Variants in KCNIP1 observed in about 807,000 individuals in gnomAD.
KCNIP1 encodes the protein A-type potassium channel modulatory protein KCNIP1.
KCNIP1 carries 18 observed loss-of-function variants against 33.0 expected under a neutral mutation model. That is an observed-to-expected ratio of 0.55 (90% CI 0.38 to 0.81). The LOEUF (loss-of-function observed/expected upper bound fraction) is 0.81, where lower values mean the gene tolerates loss of function less well. KCNIP1 is among the 30% of genes least tolerant of loss of function. KCNIP1 has a pLI of 0.00. For missense variants in KCNIP1, 238 were observed against 271.6 expected, an observed-to-expected ratio of 0.88 and a Z score of 0.87; for synonymous variants, 93 against 98.3, an observed-to-expected ratio of 0.95 and a Z score of 0.32.
chr5:170,495,750 TGCG>T (rs1172866512), intron 1 of KCNIP1, among the ~76,000 whole-genome samples: 1 of 152,202 alleles, frequency 6.6e-6, no homozygotes, highest in Non-Finnish European at 1.5e-5. Context: ...AGCTCAAATG[TGCG>T]GCAGGTTGTG....
intron 1 of KCNIP1, among the ~76,000 whole-genome samples, chr5:170,446,519 T>G (rs1321523988): frequency 2.0e-5 from 3 of 152,200 alleles, no homozygotes; most frequent in Admixed American, 2.0e-4. Flanking sequence ...CTAAAGTACA[T>G]TGGTGCAATC....
intron 1 of KCNIP1, among the ~76,000 whole-genome samples, chr5:170,546,026 G>A (rs1371851790): frequency 6.6e-6 from 1 of 152,226 alleles, no homozygotes; most frequent in African/African-American, 2.4e-5. Flanking sequence ...GGTGAAGGCT[G>A]ATGACCTCAG....
At chr5:170,384,537 C>T (rs1429712737) in intron 1 of KCNIP1, among the ~76,000 whole-genome samples, 1 of 152,164 alleles carries the variant, frequency 6.6e-6, no homozygotes, top group Non-Finnish European at 1.5e-5. Context: ...CTAACAGGTT[C>T]ATCAACATAT....
intron 1 of KCNIP1, among the ~76,000 whole-genome samples, chr5:170,670,033 C>A: frequency 6.6e-6 from 1 of 152,212 alleles, no homozygotes; most frequent in Admixed American, 6.5e-5. Flanking sequence ...ATTCAGCAAC[C>A]AGAGAACTGA....
At chr5:170,616,396 C>A (rs940640623) in intron 1 of KCNIP1, among the ~76,000 whole-genome samples, 1 of 152,182 alleles carries the variant, frequency 6.6e-6, no homozygotes, top group Non-Finnish European at 1.5e-5. Flanking sequence ...TTCACATCAT[C>A]GTAGTTAAGG....
chr5:170,561,016 G>C (rs2064087186), intron 1 of KCNIP1: 2 of 439,910 alleles, frequency 4.5e-6, no homozygotes, highest in Non-Finnish European at 9.1e-6. Context: ...GGACAAGGAG[G>C]GCATCCGTGC....
At chr5:170,644,262 A>G (rs1042995777) in intron 1 of KCNIP1, among the ~76,000 whole-genome samples, 1 of 152,246 alleles carries the variant, frequency 6.6e-6, no homozygotes, top group African/African-American at 2.4e-5. Flanking sequence ...AATGGTGTCC[A>G]TGAAGAAACA....
chr5:170,428,141 T>C (rs1018330903), intron 1 of KCNIP1, among the ~76,000 whole-genome samples: 2 of 152,154 alleles, frequency 1.3e-5, no homozygotes, highest in African/African-American at 4.8e-5. Context: ...CTCAGTGAAG[T>C]TGAGAGAAGC....
chr5:170,369,199 G>A (rs974907354), intron 1 of KCNIP1, among the ~76,000 whole-genome samples: 3 of 152,196 alleles, frequency 2.0e-5, no homozygotes, highest in Non-Finnish European at 4.4e-5. Context: ...AGTAACATTA[G>A]GCAAGGTACT....
rs565922918 is a variant in KCNIP1 at position 170,630,005 on chromosome 5, C to T, written c.62-88753C>T. On this transcript the variant is annotated intron_variant, in intron 1 of 7. Transcript: ENST00000328939. ...GAACAGTTGGCAACATTGCCCATCCCGTCTCCCTGCACCAGGCTGGGCCTG... is the reference window on the plus strand; with the variant it reads ...GAACAGTTGGCAACATTGCCCATCCTGTCTCCCTGCACCAGGCTGGGCCTG... 7.3e-4 allele frequency among the ~76,000 whole-genome samples: 111 copies of T among 152,340 alleles called. 1 individual carries two copies. Among genetic ancestry groups the T allele is most frequent in the Non-Finnish European group, 1.2e-3 (81 of 68,030 alleles).
In KCNIP1 at chr5:170,650,481, C is replaced by T. The variant is rs187915871; in HGVS notation, c.62-68277C>T. ...TCTGCATTATTCTGGGACTCATTCA[C>T]GTTGTGTAACTGAATACTTCATTCC... On this transcript the variant is annotated intron_variant, in intron 1 of 7. Transcript: ENST00000328939. 5.4e-3 allele frequency among the ~76,000 whole-genome samples: 824 copies of T among 152,274 alleles called. 3 individuals carry two copies. The highest frequency in any genetic ancestry group is 0.01 in the Middle Eastern group (3 of 294).
chr5:170,358,865 C>T (rs1763421810), intron 1 of KCNIP1, among the ~76,000 whole-genome samples: 1 of 152,152 alleles, frequency 6.6e-6, no homozygotes, highest in Non-Finnish European at 1.5e-5. Flanking sequence ...GGTCTTGCTG[C>T]AGCCAAGACA....
intron 1 of KCNIP1, among the ~76,000 whole-genome samples, chr5:170,677,751 A>G (rs996021779): frequency 6.6e-6 from 1 of 152,098 alleles, no homozygotes; most frequent in African/African-American, 2.4e-5. Context: ...TCCCCCTGAC[A>G]CACATCATCC....
intron 1 of KCNIP1, among the ~76,000 whole-genome samples, chr5:170,644,666 G>A (rs1017693099): frequency 2.0e-5 from 3 of 152,234 alleles, no homozygotes; most frequent in Non-Finnish European, 4.4e-5. Flanking sequence ...AAAAATGGAA[G>A]GACCTTGAAA....
intron 1 of KCNIP1, among the ~76,000 whole-genome samples, chr5:170,576,863 A>G (rs1757621082): frequency 6.6e-6 from 1 of 152,184 alleles, no homozygotes; most frequent in Non-Finnish European, 1.5e-5. Context: ...CTGAGAAAAT[A>G]GTTTCTGTGT....
chr5:170,612,340 G>A lies in KCNIP1; in HGVS notation c.62-106418G>A, dbSNP rs1759194735. Among the ~76,000 whole-genome samples the A allele has an allele frequency of 2.0e-5, 3 of 152,246 alleles. 1 individual carries two copies. In the South Asian group the frequency reaches 6.2e-4, roughly 31 times the overall value. On this transcript the variant is annotated intron_variant, in intron 1 of 7. Coordinates refer to ENST00000328939, the MANE Select transcript of KCNIP1 (RefSeq NM_014592.4). ...CAAAATGCCTAGCAAGCTCTCAGCA[G>A]GCCCCTGCTGGGCACAGCACAGAGA... is the stretch of plus-strand genomic sequence containing the variant.
At chr5:170,452,085 T>C (rs1436102669) in intron 1 of KCNIP1, among the ~76,000 whole-genome samples, 2 of 152,056 alleles carry the variant, frequency 1.3e-5, no homozygotes, top group Non-Finnish European at 2.9e-5. Context: ...CTGCTTCCCA[T>C]GGAAAGACCC....
chr5:170,664,705 G>A (rs1230455430), intron 1 of KCNIP1, among the ~76,000 whole-genome samples: 1 of 152,076 alleles, frequency 6.6e-6, no homozygotes, highest in Non-Finnish European at 1.5e-5. Context: ...GCCCTCAAGG[G>A]GTTTTCAGTT....
chr5:170,705,571 G>C (rs1016993105), intron 1 of KCNIP1, among the ~76,000 whole-genome samples: 9 of 152,192 alleles, frequency 5.9e-5, no homozygotes, highest in Non-Finnish European at 1.3e-4. Context: ...CAGACCCCCT[G>C]TTCTGTTCCA....
Sources: allele counts gnomAD v4.1 joint callset (sites outside exome capture counted in the v4.1 genomes callset), GRCh38; gene constraint gnomAD v4.1.1; transcripts MANE v1.5; gene names NCBI Gene and HGNC (gene_info 2026-07-23, HGNC 2026-07-21).